Variants in RAB6A observed in about 807,000 individuals in gnomAD.
RAB6A encodes the protein RAB6A, member RAS oncogene family.
A neutral mutation model predicts 32.3 loss-of-function variants in RAB6A; 8 were observed. The observed-to-expected ratio is 0.25, with a 90% CI of 0.15 to 0.45. RAB6A has a LOEUF of 0.45. Ranked by LOEUF, RAB6A falls within the 20% of genes least tolerant of loss-of-function variation. The probability of loss-of-function intolerance (pLI) is 1.00; values close to 1 mark genes in which losing one functional copy is unlikely to be tolerated. For synonymous variants in RAB6A, 73 were observed against 82.1 expected, an observed-to-expected ratio of 0.89 and a Z score of 0.60; for missense variants, 104 against 249.4, an observed-to-expected ratio of 0.42 and a Z score of 3.93.
chr11:73,706,888 C>A (rs990293480), intron 6 of RAB6A, among the ~76,000 whole-genome samples: 2 of 152,098 alleles, frequency 1.3e-5, no homozygotes, highest in Non-Finnish European at 2.9e-5. Context: ...GAGGCCAAGG[C>A]AGGCGGATCA....
At chr11:73,726,284 CAAA>C (rs1268493545) in intron 2 of RAB6A, among the ~76,000 whole-genome samples, 7 of 50,984 alleles carry the variant, frequency 1.4e-4, no homozygotes, top group Admixed American at 2.2e-4. Flanking sequence ...GACTCCGTCT[CAAA>C]AAAAAAAAAA....
chr11:73,743,517 C>T (rs1017662669), intron 1 of RAB6A, among the ~76,000 whole-genome samples: 3 of 151,952 alleles, frequency 2.0e-5, no homozygotes, highest in Admixed American at 6.6e-5. Flanking sequence ...GTCCCAACTA[C>T]TCAAGAGTAT....
At chr11:73,688,793 C>T (rs1945499183) in intron 6 of RAB6A, among the ~76,000 whole-genome samples, 1 of 152,174 alleles carries the variant, frequency 6.6e-6, no homozygotes, top group Non-Finnish European at 1.5e-5. Context: ...TCTCCCAATC[C>T]TGAAGAGATT....
chr11:73,715,568 CAAAT>C (rs767779823), intron 5 of RAB6A, among the ~76,000 whole-genome samples: 13 of 152,234 alleles, frequency 8.5e-5, no homozygotes, highest in Admixed American at 3.3e-4. Context: ...CATGAATAAA[CAAAT>C]AAATAGTAAA....
intron 5 of RAB6A, 57 bp from the exon 6 acceptor site, chr11:73,707,570 T>C: frequency 4.6e-6 from 6 of 1,293,650 alleles, no homozygotes; most frequent in East Asian, 2.3e-5. Context: ...ATTATAAAGA[T>C]TATAAAGAAA....
chr11:73,728,701 T>C (rs1345003084), intron 2 of RAB6A, among the ~76,000 whole-genome samples: 1 of 150,454 alleles, frequency 6.6e-6, no homozygotes, highest in East Asian at 1.9e-4. Flanking sequence ...TGGATTCAGT[T>C]TGGTTGTATT....
At chr11:73,708,429 A>G (rs1446689933) in intron 5 of RAB6A, among the ~76,000 whole-genome samples, 2 of 152,214 alleles carry the variant, frequency 1.3e-5, no homozygotes, top group African/African-American at 4.8e-5. Flanking sequence ...TCAGCCTACC[A>G]AAGTGCTGGG....
chr11:73,757,451 C>G (rs543206158), intron 1 of RAB6A, among the ~76,000 whole-genome samples: 39 of 152,032 alleles, frequency 2.6e-4, no homozygotes, highest in African/African-American at 8.9e-4. Context: ...GGATTACAGG[C>G]ATGAACCACC....
chr11:73,722,292 T>C (rs1320275235), intron 2 of RAB6A: 1 of 94,804 alleles, frequency 1.1e-5, no homozygotes, highest in Non-Finnish European at 2.1e-5. Context: ...AATTCAAATA[T>C]ATATGTGTGT....
chr11:73,704,245 T>C (rs1945796737), intron 6 of RAB6A: 2 of 414,980 alleles, frequency 4.8e-6, no homozygotes, highest in South Asian at 1.8e-5. Context: ...TAGCTGGGCA[T>C]GGTGGTGTGT....
chr11:73,713,719 T>A (rs1249504469), intron 5 of RAB6A, among the ~76,000 whole-genome samples: 2 of 152,162 alleles, frequency 1.3e-5, no homozygotes, highest in Non-Finnish European at 2.9e-5. Context: ...GCCCAAAATA[T>A]AAAGATGCTT....
chr11:73,731,346 C>T (rs1946298349), intron 1 of RAB6A, among the ~76,000 whole-genome samples: 1 of 151,828 alleles, frequency 6.6e-6, no homozygotes, highest in South Asian at 2.1e-4. Context: ...AGATCGAGAC[C>T]ATCCTGGCCA....
chr11:73,749,844 A>G (rs1039581235), intron 1 of RAB6A, among the ~76,000 whole-genome samples: 15 of 152,118 alleles, frequency 9.9e-5, no homozygotes, highest in African/African-American at 3.6e-4. Context: ...CCTGGGTAAC[A>G]GAGCAAGACC....
intron 5 of RAB6A, among the ~76,000 whole-genome samples, chr11:73,714,209 A>AAAAATATAT (rs35864471): frequency 0.017 from 972 of 57,240 alleles, 12 homozygotes; most frequent in Non-Finnish European, 0.027. Context: ...AAAAAAAAAA[A>AAAAATATAT]ATATATATAT....
chr11:73,713,970 C>A (rs1590854572), intron 5 of RAB6A, among the ~76,000 whole-genome samples: 1 of 151,934 alleles, frequency 6.6e-6, no homozygotes, highest in East Asian at 1.9e-4. Context: ...GCGGGTGGAT[C>A]ACCTGAGGTC....
chr11:73,761,031 A>G lies in RAB6A; in HGVS notation c.-396T>C, dbSNP rs997640099. The G allele has an allele frequency of 7.1e-5, 12 of 168,544 alleles. No homozygotes were observed. In the East Asian group the frequency reaches 2.0e-3, roughly 28 times the overall value. The allele number at this position is 168,544 out of a possible 1,614,324, so 10.4% of individuals were successfully genotyped here. Reference sequence around the variant, plus strand: ...TGGGACCTCTCACGCGCAGCGCCTGAGCTTCCACAGCTGCCGCCGCCGCCG... The same window carrying G: ...TGGGACCTCTCACGCGCAGCGCCTGGGCTTCCACAGCTGCCGCCGCCGCCG... On this transcript the variant is annotated 5_prime_UTR_variant, in exon 1 of 8. Coordinates refer to ENST00000336083, the MANE Select transcript of RAB6A (RefSeq NM_198896.2).
intron 5 of RAB6A, among the ~76,000 whole-genome samples, chr11:73,710,248 G>A (rs1237445666): frequency 6.7e-6 from 1 of 150,252 alleles, no homozygotes; most frequent in Non-Finnish European, 1.5e-5. Context: ...TTACAGGCGT[G>A]AGCCACCGCG....
At chr11:73,714,869 G>A (rs1441867885) in intron 5 of RAB6A, among the ~76,000 whole-genome samples, 1 of 152,012 alleles carries the variant, frequency 6.6e-6, no homozygotes, top group Non-Finnish European at 1.5e-5. Flanking sequence ...AGGAGGCTGA[G>A]GCAGAAGAAT....
At chr11:73,679,759 A>T in intron 6 of RAB6A, 39 bp from the exon 7 acceptor site, 1 of 1,610,972 alleles carries the variant, frequency 6.2e-7, no homozygotes, top group Non-Finnish European at 8.5e-7. Flanking sequence ...GAGAGGGAAC[A>T]TTTAGCAAAG....
Sources: gnomAD v4.1 joint callset for allele counts (sites outside exome capture counted in the v4.1 genomes callset) on GRCh38, gnomAD v4.1.1 for gene constraint, MANE v1.5 for transcripts, NCBI Gene and HGNC (gene_info 2026-07-23, HGNC 2026-07-21) for gene names.